ADGRV1: variants seen among roughly 807,000 people sequenced by gnomAD.
The protein encoded by ADGRV1 is adhesion G protein-coupled receptor V1, also known as G-protein coupled receptor 98.
A neutral mutation model predicts 596.2 loss-of-function variants in ADGRV1; 359 were observed. The observed-to-expected ratio is 0.60, with a 90% CI of 0.55 to 0.66. The LOEUF is 0.66. Ranked by LOEUF, ADGRV1 falls within the 30% of genes least tolerant of loss-of-function variation. The pLI is 0.00. For missense variants in ADGRV1, 7,274 were observed against 7,575.6 expected, an observed-to-expected ratio of 0.96 and a Z score of 1.48; for synonymous variants, 2,681 against 2,679.2, an observed-to-expected ratio of 1.00 and a Z score of -0.02.
At chr5:91,106,151 T>C (rs1306009711) in intron 87 of ADGRV1, among the ~76,000 whole-genome samples, 1 of 151,812 alleles carries the variant, frequency 6.6e-6, no homozygotes, top group Non-Finnish European at 1.5e-5. Flanking sequence ...AGGGTGAGAG[T>C]TGGGGGTCTA....
chr5:90,716,481 C>G lies in ADGRV1; in HGVS notation c.9199C>G (p.Leu3067Val). 1 of 1,571,848 alleles carries G rather than the reference C, an allele frequency of 6.4e-7. No individual in the cohort carries two copies. Among genetic ancestry groups the G allele is most frequent in the South Asian group, 1.2e-5 (1 of 81,736 alleles). Residue 3067 changes from leucine to valine, a missense_variant, in exon 43 of 90, where the codon CTT (leucine) becomes GTT (valine). Leu to Val is a conservative substitution (Grantham distance 32). Transcript: ENST00000405460. ...TATTTTGGCAGCCTTAATTATTGTCCTTGCTAATGATGACGGCCCTGGAGT... is the reference window on the plus strand; with the variant it reads ...TATTTTGGCAGCCTTAATTATTGTCGTTGCTAATGATGACGGCCCTGGAGT... ...GKNTIALIIV[L>V]ANDDGPGVLS...
chr5:90,937,921 A>G (rs542723217), intron 83 of ADGRV1, among the ~76,000 whole-genome samples: 1 of 152,134 alleles, frequency 6.6e-6, no homozygotes, highest in East Asian at 1.9e-4. Context: ...CCTTTGTCAG[A>G]TTGTTTCATA....
intron 84 of ADGRV1, among the ~76,000 whole-genome samples, chr5:90,971,054 G>T (rs1362825114): frequency 6.6e-6 from 1 of 152,234 alleles, no homozygotes; most frequent in Non-Finnish European, 1.5e-5. Context: ...ACTACGTGAT[G>T]AATGCACAAG....
chr5:90,874,855 CA>C (rs146727961), intron 83 of ADGRV1, among the ~76,000 whole-genome samples: 4 of 144,492 alleles, frequency 2.8e-5, no homozygotes, highest in Admixed American at 1.4e-4. Context: ...GACTCTGTCT[CA>C]AAAAAAAACA....
At chr5:90,887,072 C>G (rs765754585) in intron 83 of ADGRV1, among the ~76,000 whole-genome samples, 5 of 152,096 alleles carry the variant, frequency 3.3e-5, no homozygotes, top group Non-Finnish European at 5.9e-5. Flanking sequence ...TCTATTGATA[C>G]CCTTTTACAG....
At chr5:90,910,538 TTA>T (rs1156781120) in intron 83 of ADGRV1, among the ~76,000 whole-genome samples, 1 of 149,346 alleles carries the variant, frequency 6.7e-6, no homozygotes, top group East Asian at 2.0e-4. Flanking sequence ...ATGTTTAGTT[TTA>T]TATATATATA....
At chr5:91,099,451 C>T (rs768426517) in intron 86 of ADGRV1, among the ~76,000 whole-genome samples, 15 of 152,216 alleles carry the variant, frequency 9.9e-5, no homozygotes, top group South Asian at 6.2e-4. Flanking sequence ...AGAAGCCAAT[C>T]GTTGTGAGGA....
intron 83 of ADGRV1, among the ~76,000 whole-genome samples, chr5:90,932,794 T>TTGTGTG (rs35670367): frequency 0.014 from 2,137 of 150,366 alleles, 40 homozygotes; most frequent in African/African-American, 0.05. Flanking sequence ...TTGTCGTGAG[T>TTGTGTG]TGTGTGTGTG....
Position 90,721,519 on chromosome 5 carries a change from T to TA in ADGRV1, c.9748+464dup, listed in dbSNP as rs59288975. Among the ~76,000 whole-genome samples the TA allele has an allele frequency of 1.9e-4, 10 of 52,094 alleles. 1 individual carries two copies. Among genetic ancestry groups the TA allele is most frequent in the African/African-American group, 8.8e-4 (6 of 6,798 alleles). 34.2% of individuals were successfully genotyped at this position (52,094 alleles called of 152,430 possible). A position where few individuals can be genotyped will look rare whatever the true frequency, so the allele number is the denominator to read the frequency against. Reference sequence around the variant, plus strand: ...ACTTGGTCTAAAAAATAAAATAAAATAAAATAAAAATAAAAATAAAATAAA... The same window carrying TA: ...ACTTGGTCTAAAAAATAAAATAAAATAAAAATAAAAATAAAAATAAAATAAA... On this transcript the variant is annotated intron_variant, in intron 45 of 89. Transcript: ENST00000405460.
chr5:90,722,870 G>A (rs1293063498), intron 45 of ADGRV1, among the ~76,000 whole-genome samples: 1 of 151,710 alleles, frequency 6.6e-6, no homozygotes, highest in African/African-American at 2.4e-5. Context: ...AAGGGAAGAG[G>A]ACACTATAGA....
At chr5:91,001,204 A>G (rs921637820) in intron 85 of ADGRV1, among the ~76,000 whole-genome samples, 5 of 152,008 alleles carry the variant, frequency 3.3e-5, no homozygotes, top group African/African-American at 1.2e-4. Context: ...CAGCTTCCCT[A>G]GTAGCTGGGA....
At chr5:90,698,846 T>G (rs1202618821) in intron 34 of ADGRV1, among the ~76,000 whole-genome samples, 1 of 151,986 alleles carries the variant, frequency 6.6e-6, no homozygotes, top group East Asian at 1.9e-4. Flanking sequence ...GGAGAGAGTG[T>G]GTTTTCAATC....
At chr5:90,812,084 C>T (rs1056349936) in intron 74 of ADGRV1, among the ~76,000 whole-genome samples, 5 of 152,032 alleles carry the variant, frequency 3.3e-5, no homozygotes, top group South Asian at 2.1e-4. Context: ...CCTGCCACCA[C>T]GCCCGGCTAA....
At chr5:90,887,180 A>G (rs897319864) in intron 83 of ADGRV1, among the ~76,000 whole-genome samples, 5 of 152,024 alleles carry the variant, frequency 3.3e-5, no homozygotes, top group African/African-American at 1.2e-4. Flanking sequence ...CACCCACACC[A>G]CACGGACCTT....
intron 54 of ADGRV1, among the ~76,000 whole-genome samples, chr5:90,754,483 C>G (rs1561662537): frequency 1.3e-5 from 2 of 152,206 alleles, no homozygotes. Context: ...TTTTTAAAAT[C>G]TAAACAATGA....
At chr5:90,769,777 G>A (rs952583191) in intron 59 of ADGRV1, among the ~76,000 whole-genome samples, 2 of 152,128 alleles carry the variant, frequency 1.3e-5, no homozygotes, top group African/African-American at 2.4e-5. Flanking sequence ...AAAAAATTTT[G>A]TAAGGGCTTC....
intron 77 of ADGRV1, among the ~76,000 whole-genome samples, chr5:90,834,362 C>T (rs1179751138): frequency 2.4e-4 from 37 of 152,044 alleles, no homozygotes; most frequent in Admixed American, 2.4e-3. Flanking sequence ...CTTTGTTTGT[C>T]TGGGAAAGTC....
chr5:90,682,840 ATAT>A (rs958912362), intron 27 of ADGRV1, among the ~76,000 whole-genome samples: 2 of 146,020 alleles, frequency 1.4e-5, no homozygotes, highest in South Asian at 2.1e-4. Context: ...CATTCTTAAC[ATAT>A]TATTGACAAA....
At position 90,840,967 on chromosome 5, in the gene ADGRV1, G is replaced by A. The variant is rs368570906; in HGVS notation, c.17001G>A (p.Met5667Ile). ...ACACAGATGAACAACTCAGTGCCAT[G>A]ATGCATTTAATAGAAAAGGTAAGTT... is the stretch of plus-strand genomic sequence containing the variant. ...TENTDEQLSA[M>I]MHLIEKITTE... Residue 5667 changes from methionine to isoleucine, a missense_variant, in exon 78 of 90, where the codon ATG (methionine) becomes ATA (isoleucine). Met to Ile is a conservative substitution (Grantham distance 10). Transcript: ENST00000405460. 4 of 1,405,190 alleles carry A rather than the reference G, an allele frequency of 2.8e-6. No homozygotes were observed. The African/African-American group carries it at 5.7e-5, about 20-fold the overall frequency. 87.0% of individuals were successfully genotyped at this position (1,405,190 alleles called of 1,614,324 possible).
Sources: allele counts gnomAD v4.1 joint callset (sites outside exome capture counted in the v4.1 genomes callset), GRCh38; gene constraint gnomAD v4.1.1; transcripts MANE v1.5; gene names NCBI Gene and HGNC (gene_info 2026-07-23, HGNC 2026-07-21).